The following MPDZ variants were observed in gnomAD, a reference collection of about 807,000 sequenced individuals.
MPDZ encodes multiple PDZ domain crumbs cell polarity complex component.
Under a neutral mutation model 239.1 loss-of-function variants are expected in MPDZ, and 234 were observed. The ratio of observed to expected loss-of-function variants is 0.98; its 90% CI spans 0.88 to 1.09. MPDZ has a LOEUF of 1.09. MPDZ is among the 50% of genes least tolerant of loss of function. The probability of loss-of-function intolerance (pLI) is 0.00; values close to 1 mark genes in which losing one functional copy is unlikely to be tolerated. For missense variants in MPDZ, 3,175 were observed against 2,510.0 expected (o/e 1.26, Z -5.66); for synonymous variants, 1,048 against 881.3 (o/e 1.19, Z -3.35).
chr9:13,247,885 T>G (rs1344250056), intron 2 of MPDZ, 84 bp from the exon 3 acceptor site: 1 of 1,296,930 alleles, frequency 7.7e-7, no homozygotes, highest in Non-Finnish European at 1.1e-6. Context: ...GTAGAAATTC[T>G]AAAACTATTT....
chr9:13,166,089 A>T (rs533067020), intron 22 of MPDZ, among the ~76,000 whole-genome samples: 1 of 152,200 alleles, frequency 6.6e-6, no homozygotes, highest in South Asian at 2.1e-4. Context: ...ACACCCCTCC[A>T]CCACCACCCA....
chr9:13,189,135 T>C, intron 16 of MPDZ, 142 bp from the exon 17 acceptor site: 1 of 711,496 alleles, frequency 1.4e-6, no homozygotes, highest in Non-Finnish European at 2.2e-6. Flanking sequence ...CATACAAAAT[T>C]TCTAATTATT....
chr9:13,136,325 C>CTTTCTTTTTTTTTTTTTTTTTTTTTTTT (rs1946757058), intron 30 of MPDZ, 143 bp from the exon 31 acceptor site: 1 of 146,224 alleles, frequency 6.8e-6, no homozygotes, highest in African/African-American at 6.2e-5. Context: ...CAAACGTTTT[C>CTTTCTTTTTTTTTTTTTTTTTTTTTTTT]TTTTTTTTTT....
chr9:13,155,258 C>A (rs996891755), intron 24 of MPDZ, among the ~76,000 whole-genome samples: 1 of 152,030 alleles, frequency 6.6e-6, no homozygotes, highest in Non-Finnish European at 1.5e-5. Context: ...CCTTAAAAAG[C>A]AATTTGACAA....
chr9:13,186,692 T>A (rs1261403118), intron 17 of MPDZ, among the ~76,000 whole-genome samples: 5 of 152,036 alleles, frequency 3.3e-5, no homozygotes, highest in African/African-American at 7.2e-5. Flanking sequence ...ATTTTTTTTT[T>A]AATATTCTAA....
In MPDZ at chr9:13,139,984, T is replaced by C. The variant is rs1386466679; in HGVS notation, c.4003+3A>G. The C allele has an allele frequency of 6.2e-7, 1 of 1,613,392 alleles. No homozygotes were observed. The highest frequency in any genetic ancestry group is 1.7e-5 in the Admixed American group (1 of 59,986). On this transcript the variant is annotated splice_donor_region_variant and intron_variant, in intron 28 of 46. Transcript: ENST00000319217. Reference sequence around the variant, plus strand: ...TTAAATGCATCACAAAAACACAACTTACTCCAGCTGTAACCAAACTCATCC... The same window carrying C: ...TTAAATGCATCACAAAAACACAACTCACTCCAGCTGTAACCAAACTCATCC...
In MPDZ at chr9:13,217,183, A is replaced by G. The variant is rs1016337787; in HGVS notation, c.1198T>C (p.Leu400=). ...TIAGYIGDKK[L]EPSGIFVKSI... Reference sequence around the variant, plus strand: ...AATACTTAATGTTTAAAATTACCCAATTTTTTATCTCCAATGTAGCCAGCA... The same window carrying G: ...AATACTTAATGTTTAAAATTACCCAGTTTTTTATCTCCAATGTAGCCAGCA... Residue 400 remains leucine (L), a synonymous_variant, in exon 9 of 47, where the codon TTG becomes CTG. Transcript: ENST00000319217. 8.3e-6 allele frequency: 13 copies of G among 1,572,132 alleles called. No individual in the cohort carries two copies. Among genetic ancestry groups the G allele is most frequent in the Admixed American group, 1.8e-5 (1 of 54,754 alleles).
intron 13 of MPDZ, among the ~76,000 whole-genome samples, chr9:13,195,082 G>A (rs1955467965): frequency 6.6e-6 from 1 of 152,100 alleles, no homozygotes. Flanking sequence ...GAGTCCAGAA[G>A]TCCAAGACCA....
At chr9:13,255,411 AAAG>A (rs1250131527) in intron 1 of MPDZ, among the ~76,000 whole-genome samples, 1 of 152,188 alleles carries the variant, frequency 6.6e-6, no homozygotes, top group Non-Finnish European at 1.5e-5. Flanking sequence ...AATGGCATTT[AAAG>A]TAGTGAATCC....
intron 18 of MPDZ, 98 bp downstream of exon 18, chr9:13,186,172 G>GA (rs1954067151): frequency 3.6e-6 from 2 of 559,842 alleles, no homozygotes; most frequent in Non-Finnish European, 5.6e-6. Flanking sequence ...ATATAATAAT[G>GA]AACAAAGAAT....
intron 38 of MPDZ, 114 bp from the exon 39 acceptor site, chr9:13,119,763 AG>A: frequency 7.9e-7 from 1 of 1,269,782 alleles, no homozygotes; most frequent in Non-Finnish European, 1.1e-6. Context: ...TGACTTTAAA[AG>A]TTTTGTTATT....
intron 3 of MPDZ, among the ~76,000 whole-genome samples, chr9:13,235,046 A>C (rs12335987): frequency 0.088 from 13,366 of 152,180 alleles, 758 homozygotes; most frequent in South Asian, 0.17. Context: ...CAAGTTTGGA[A>C]CCTAGAGAGG....
At chr9:13,256,309 A>G (rs1969427126) in intron 1 of MPDZ, among the ~76,000 whole-genome samples, 3 of 152,202 alleles carry the variant, frequency 2.0e-5, no homozygotes, top group African/African-American at 4.8e-5. Flanking sequence ...CATATCAACA[A>G]TAAGGCTGTT....
At chr9:13,230,560 T>C (rs965347384) in intron 3 of MPDZ, among the ~76,000 whole-genome samples, 8 of 152,142 alleles carry the variant, frequency 5.3e-5, no homozygotes, top group Non-Finnish European at 1.0e-4. Context: ...ATAACATTCT[T>C]GAAACGACAA....
chr9:13,247,498 A>C, intron 3 of MPDZ, 137 bp downstream of exon 3: 2 of 860,126 alleles, frequency 2.3e-6, no homozygotes, highest in Non-Finnish European at 3.4e-6. Context: ...GTGAATCTGA[A>C]TGTCTCATTT....
chr9:13,208,664 AGG>A (rs1957266513), intron 10 of MPDZ, among the ~76,000 whole-genome samples: 1 of 149,496 alleles, frequency 6.7e-6, no homozygotes, highest in Non-Finnish European at 1.5e-5. Flanking sequence ...AAGTTTATAT[AGG>A]ATATATATAT....
At chr9:13,108,909 G>C (rs776771071) in intron 46 of MPDZ, 27 bp downstream of exon 46, 1 of 1,605,642 alleles carries the variant, frequency 6.2e-7, no homozygotes, top group East Asian at 2.2e-5. Flanking sequence ...TAGGGGAAAA[G>C]AGGGTGGTTA....
At chr9:13,183,327 T>G in intron 19 of MPDZ, 91 bp downstream of exon 19, 1 of 1,001,928 alleles carries the variant, frequency 1.0e-6, no homozygotes, top group Non-Finnish European at 1.4e-6. Flanking sequence ...GTCTCCAATA[T>G]GTTATTCCCA....
At chr9:13,203,105 A>G (rs1956584724) in intron 12 of MPDZ, among the ~76,000 whole-genome samples, 1 of 152,204 alleles carries the variant, frequency 6.6e-6, no homozygotes, top group Non-Finnish European at 1.5e-5. Context: ...TACATTGTAT[A>G]CATGTATGGA....
Sources: gnomAD v4.1 joint callset for allele counts (sites outside exome capture counted in the v4.1 genomes callset) on GRCh38, gnomAD v4.1.1 for gene constraint, MANE v1.5 for transcripts, NCBI Gene and HGNC (gene_info 2026-07-23, HGNC 2026-07-21) for gene names.